TNPO3: variants seen among roughly 807,000 people sequenced by gnomAD.
TNPO3 encodes transportin 3.
A neutral mutation model predicts 122.8 loss-of-function variants in TNPO3; 65 were observed. That is an observed-to-expected ratio of 0.53 (90% CI 0.43 to 0.65). TNPO3 has a LOEUF of 0.65. Ranked by LOEUF, TNPO3 falls within the 30% of genes least tolerant of loss-of-function variation. The pLI, the probability that TNPO3 is intolerant of heterozygous loss-of-function variation, is 0.00. For missense variants in TNPO3, 850 were observed against 1,136.7 expected (o/e 0.75, Z 3.63); for synonymous variants, 372 against 411.2 (o/e 0.90, Z 1.15).
chr7:129,000,475 C>T lies in TNPO3; in HGVS notation c.965G>A (p.Arg322Gln), dbSNP rs144794750. 171 of 1,613,952 alleles carry T rather than the reference C, an allele frequency of 1.1e-4. No individual in the cohort carries two copies. Among genetic ancestry groups the T allele is most frequent in the Non-Finnish European group, 1.4e-4 (166 of 1,180,002 alleles). ...ACAGATAAGCAGCAGCTCCAGAGTT[C>T]GAAGGTCCCCAAGACCTTGGCCTGG... ...CTPGQGLGDLRTLELLLICAG... is the reference protein window; with the variant it reads ...CTPGQGLGDLQTLELLLICAG... Residue 322 changes from arginine (R) to glutamine (Q), a missense_variant, in exon 7 of 23, where the codon CGA becomes CAA. By Grantham distance (43) the Arg-to-Gln change is conservative (BLOSUM62 1). Transcript: ENST00000265388.
chr7:128,988,865 G>C (rs1800452589), intron 11 of TNPO3, among the ~76,000 whole-genome samples: 1 of 152,066 alleles, frequency 6.6e-6, no homozygotes, highest in Non-Finnish European at 1.5e-5. Flanking sequence ...GATTACTTGT[G>C]GTCAGGAGTT....
At chr7:128,999,720 C>A (rs1308186962) in intron 7 of TNPO3, among the ~76,000 whole-genome samples, 1 of 152,018 alleles carries the variant, frequency 6.6e-6, no homozygotes, top group Non-Finnish European at 1.5e-5. Flanking sequence ...AAGCAATTCT[C>A]CTGCCTCAGC....
At chr7:128,986,506 G>T (rs916250401) in intron 12 of TNPO3, among the ~76,000 whole-genome samples, 4 of 152,128 alleles carry the variant, frequency 2.6e-5, no homozygotes, top group Non-Finnish European at 5.9e-5. Context: ...TATATATACC[G>T]CAAGTAGTAT....
At chr7:129,017,591 T>C (rs1259462666) in intron 2 of TNPO3, among the ~76,000 whole-genome samples, 2 of 152,190 alleles carry the variant, frequency 1.3e-5, no homozygotes, top group African/African-American at 2.4e-5. Flanking sequence ...TCTAATGTAT[T>C]TCCCTGTCCA....
intron 1 of TNPO3, among the ~76,000 whole-genome samples, chr7:129,031,663 A>G (rs934244521): frequency 1.3e-5 from 2 of 152,214 alleles, no homozygotes; most frequent in East Asian, 1.9e-4. Flanking sequence ...CAAAAACTGA[A>G]GAGGAAAGAA....
chr7:129,001,206 T>C lies in TNPO3; in HGVS notation c.725A>G (p.His242Arg). The C allele has an allele frequency of 6.2e-7, 1 of 1,613,414 alleles. No homozygotes were observed. The highest frequency in any genetic ancestry group is 8.5e-7 in the Non-Finnish European group (1 of 1,179,450). Reference sequence around the variant, plus strand: ...GCATACACAGTCCGAAGCAGCTTCATGTAGGTTAGACGAGGTCTTATCCTG... The same window carrying C: ...GCATACACAGTCCGAAGCAGCTTCACGTAGGTTAGACGAGGTCTTATCCTG... ...LQQDKTSSNL[H>R]EAASDCVCSA... Residue 242 changes from histidine to arginine, a missense_variant, in exon 6 of 23, where the codon CAT becomes CGT. Transcript: ENST00000265388.
chr7:129,039,483 T>C (rs1001081628), intron 1 of TNPO3, among the ~76,000 whole-genome samples: 3 of 151,986 alleles, frequency 2.0e-5, no homozygotes, highest in Non-Finnish European at 4.4e-5. Context: ...TTGCTTGAGC[T>C]GGAGAGGCAG....
rs1024553225 is a variant in TNPO3, at chr7:128,970,426, G to T, written c.2431-111C>A. ...CTTTAATAGGAAAGTGTGTGTGTGTGTGCACGCGTGGCTGTGTGTGTGTGT... is the reference window on the plus strand; with the variant it reads ...CTTTAATAGGAAAGTGTGTGTGTGTTTGCACGCGTGGCTGTGTGTGTGTGT... On this transcript the variant is annotated intron_variant, in intron 19 of 22. Transcript: ENST00000265388. 4.0e-5 allele frequency: 41 copies of T among 1,034,154 alleles called. No homozygotes were observed. The African/African-American group carries it at 5.6e-4, about 14-fold the overall frequency. 64.1% of individuals were successfully genotyped at this position (1,034,154 alleles called of 1,614,324 possible).
chr7:129,000,946 T>C (rs1801877953), intron 6 of TNPO3, 113 bp downstream of exon 6: 1 of 1,286,114 alleles, frequency 7.8e-7, no homozygotes, highest in African/African-American at 1.5e-5. Context: ...GCACTATCTG[T>C]ACTTTACAGA....
rs1378499564 is a variant in TNPO3 at position 129,048,643 on chromosome 7, T to TAAAA, written c.120+6004_120+6007dup. On this transcript the variant is annotated intron_variant, in intron 1 of 22. Coordinates refer to ENST00000265388, the MANE Select transcript of TNPO3 (RefSeq NM_012470.4). ...CAACATATACATCTCATAAAGGATT[T>TAAAA]AAAAAAAAAAAAGAAAGAAAAAAAA... 2.9e-5 allele frequency among the ~76,000 whole-genome samples: 4 copies of TAAAA among 138,566 alleles called. No individual in the cohort carries two copies. The South Asian group carries it at 9.1e-4, about 31-fold the overall frequency. 90.9% of individuals were successfully genotyped at this position (138,566 alleles called of 152,430 possible). A position where few individuals can be genotyped will look rare whatever the true frequency, so the allele number is the denominator to read the frequency against.
At chr7:129,002,522 T>C (rs1033276974) in intron 5 of TNPO3, among the ~76,000 whole-genome samples, 1 of 152,228 alleles carries the variant, frequency 6.6e-6, no homozygotes, top group Non-Finnish European at 1.5e-5. Context: ...CAAAAAGGTA[T>C]ATAAGCAGGT....
At chr7:129,036,089 G>A (rs1167854473) in intron 1 of TNPO3, among the ~76,000 whole-genome samples, 3 of 151,840 alleles carry the variant, frequency 2.0e-5, no homozygotes, top group Non-Finnish European at 4.4e-5. Flanking sequence ...GAGTAGCTGG[G>A]ACTCCAGGCG....
intron 7 of TNPO3, 94 bp downstream of exon 7, chr7:129,000,335 C>A: frequency 7.6e-7 from 1 of 1,312,748 alleles, no homozygotes; most frequent in Non-Finnish European, 1.0e-6. Flanking sequence ...TGTAATTTCT[C>A]AACAATAAAA....
At position 129,054,868 on chromosome 7, in the gene TNPO3, C is replaced by G; in HGVS notation, c.-98G>C. On this transcript the variant is annotated 5_prime_UTR_variant, in exon 1 of 23. Coordinates refer to ENST00000265388, the MANE Select transcript of TNPO3 (RefSeq NM_012470.4). ...CGCTTCCTCACTGTCTGGGCCACGG[C>G]CGCTCCCTGACTGGCGCCATCTCCT... 2 of 1,541,016 alleles carry G rather than the reference C, an allele frequency of 1.3e-6. No homozygotes were observed. The highest frequency in any genetic ancestry group is 1.7e-4 in the Middle Eastern group (1 of 5,842).
At chr7:129,041,305 C>T (rs764590198) in intron 1 of TNPO3, among the ~76,000 whole-genome samples, 1 of 152,130 alleles carries the variant, frequency 6.6e-6, no homozygotes, top group Non-Finnish European at 1.5e-5. Flanking sequence ...GAGGCAGCAG[C>T]GAGCTACGAT....
At chr7:129,019,175 G>A (rs752990865) in intron 1 of TNPO3, among the ~76,000 whole-genome samples, 2 of 152,168 alleles carry the variant, frequency 1.3e-5, no homozygotes, top group Non-Finnish European at 2.9e-5. Flanking sequence ...ATAAAGGGGA[G>A]TCATATTTTG....
At chr7:128,982,456 C>G (rs565476365) in intron 13 of TNPO3, 132 bp from the exon 14 acceptor site, 2 of 671,830 alleles carry the variant, frequency 3.0e-6, no homozygotes, top group Non-Finnish European at 4.7e-6. Flanking sequence ...TATATAAACT[C>G]CTAAAAGTTA....
intron 4 of TNPO3, among the ~76,000 whole-genome samples, chr7:129,009,430 T>G (rs1292802915): frequency 6.6e-6 from 1 of 152,224 alleles, no homozygotes; most frequent in African/African-American, 2.4e-5. Flanking sequence ...ATTTTTTTCT[T>G]GGCCATTTTG....
chr7:129,044,263 C>A (rs1278700845), intron 1 of TNPO3, among the ~76,000 whole-genome samples: 1 of 152,136 alleles, frequency 6.6e-6, no homozygotes, highest in East Asian at 1.9e-4. Flanking sequence ...TGGAGCCTTG[C>A]TCAAAACATC....
Sources: allele counts gnomAD v4.1 joint callset (sites outside exome capture counted in the v4.1 genomes callset), GRCh38; gene constraint gnomAD v4.1.1; transcripts MANE v1.5; gene names NCBI Gene and HGNC (gene_info 2026-07-23, HGNC 2026-07-21).